NTRK2: variants seen among roughly 807,000 people sequenced by gnomAD.
NTRK2 encodes the protein BDNF/NT-3 growth factors receptor.
NTRK2 carries 13 observed loss-of-function variants against 94.5 expected under a neutral mutation model. The observed-to-expected ratio is 0.14, with a 90% CI of 0.09 to 0.22. The LOEUF (loss-of-function observed/expected upper bound fraction) is 0.22. Among genes scored for constraint, NTRK2 ranks in the 10% least tolerant of loss-of-function variants. NTRK2 has a pLI of 1.00. For synonymous variants in NTRK2, 372 were observed against 407.4 expected, an observed-to-expected ratio of 0.91 and a Z score of 1.05; for missense variants, 639 against 1,071.2, an observed-to-expected ratio of 0.60 and a Z score of 5.63.
rs998194951 is a variant in NTRK2 at position 85,025,661 on chromosome 9, C to G, written c.*4224C>G. On this transcript the variant is annotated 3_prime_UTR_variant, in exon 19 of 19. Transcript: ENST00000277120. ...AAATGACTGCATATACACACATACC[C>G]TCAATTCTCTTGCTTCCCCATTTTC... 22 of 233,118 alleles carry G rather than the reference C, an allele frequency of 9.4e-5. No homozygotes were observed. The highest frequency in any genetic ancestry group is 1.5e-4 in the Non-Finnish European group (18 of 118,014). 14.4% of individuals were successfully genotyped at this position (233,118 alleles called of 1,614,324 possible). A position where few individuals can be genotyped will look rare whatever the true frequency, so the allele number is the denominator to read the frequency against.
At chr9:84,819,263 C>T (rs1028296119) in intron 12 of NTRK2, among the ~76,000 whole-genome samples, 1 of 152,068 alleles carries the variant, frequency 6.6e-6, no homozygotes, top group African/African-American at 2.4e-5. Flanking sequence ...AAACATAGGC[C>T]ACGGCTGTTT....
At chr9:84,824,202 G>A (rs966216521) in intron 12 of NTRK2, among the ~76,000 whole-genome samples, 1 of 152,184 alleles carries the variant, frequency 6.6e-6, no homozygotes, top group African/African-American at 2.4e-5. Flanking sequence ...TCAAGGGAAG[G>A]CCTCCAGAAA....
At chr9:84,917,068 G>A (rs988322576) in intron 14 of NTRK2, among the ~76,000 whole-genome samples, 1 of 152,016 alleles carries the variant, frequency 6.6e-6, no homozygotes, top group Non-Finnish European at 1.5e-5. Context: ...TCCTCTCAAT[G>A]TATGTTTCTT....
At chr9:84,815,220 G>A (rs201891226) in intron 12 of NTRK2, 17 of 1,056,662 alleles carry the variant, frequency 1.6e-5, no homozygotes, top group East Asian at 5.2e-5. Flanking sequence ...TAGTGTTGCA[G>A]TATAGCTTTG....
chr9:84,936,165 G>C (rs2078207378), intron 15 of NTRK2, among the ~76,000 whole-genome samples: 1 of 152,160 alleles, frequency 6.6e-6, no homozygotes, highest in Non-Finnish European at 1.5e-5. Context: ...AGAAACCTCA[G>C]GCAGATATAG....
intron 12 of NTRK2, among the ~76,000 whole-genome samples, chr9:84,764,275 A>G (rs2132696939): frequency 6.6e-6 from 1 of 152,340 alleles, no homozygotes; most frequent in South Asian, 2.1e-4. Flanking sequence ...CATCTAGCAA[A>G]TATCCTCTCC....
chr9:84,813,113 G>A (rs1177333030), intron 12 of NTRK2: 2 of 1,040,530 alleles, frequency 1.9e-6, no homozygotes, highest in Admixed American at 5.6e-5. Flanking sequence ...ATTAGAAAAG[G>A]AGAGGTAGCA....
At chr9:84,729,892 A>G (rs1363527137) in intron 9 of NTRK2, among the ~76,000 whole-genome samples, 1 of 152,112 alleles carries the variant, frequency 6.6e-6, no homozygotes, top group African/African-American at 2.4e-5. Context: ...GAACATTTCT[A>G]TATGGTACTG....
At chr9:84,958,257 A>G (rs550066277) in intron 17 of NTRK2, among the ~76,000 whole-genome samples, 3 of 152,336 alleles carry the variant, frequency 2.0e-5, no homozygotes, top group African/African-American at 7.2e-5. Flanking sequence ...TACCTGAATT[A>G]TATCTCAAAA....
chr9:84,883,885 A>T (rs893392137), intron 14 of NTRK2, among the ~76,000 whole-genome samples: 1 of 152,256 alleles, frequency 6.6e-6, no homozygotes, highest in Admixed American at 6.5e-5. Context: ...TCACTAACCT[A>T]GTTGACTTTT....
chr9:84,810,933 A>G, intron 12 of NTRK2: 2 of 1,162,782 alleles, frequency 1.7e-6, no homozygotes, highest in Non-Finnish European at 1.1e-6. Flanking sequence ...ACCCTACTGG[A>G]CATTTATTGA....
At chr9:85,016,829 G>T (rs1182915596) in intron 17 of NTRK2, among the ~76,000 whole-genome samples, 1 of 152,094 alleles carries the variant, frequency 6.6e-6, no homozygotes, top group East Asian at 1.9e-4. Flanking sequence ...AACAAGGAAA[G>T]CATTATTTAT....
intron 17 of NTRK2, among the ~76,000 whole-genome samples, chr9:84,996,283 A>G (rs913866680): frequency 1.3e-5 from 2 of 152,258 alleles, no homozygotes; most frequent in African/African-American, 4.8e-5. Flanking sequence ...AGACGTTGCT[A>G]TGATAAGACT....
At chr9:84,977,190 A>G (rs1441084017) in intron 17 of NTRK2, among the ~76,000 whole-genome samples, 2 of 152,206 alleles carry the variant, frequency 1.3e-5, no homozygotes, top group South Asian at 4.1e-4. Context: ...CTTATTTAGT[A>G]TGTATTGTTG....
intron 17 of NTRK2, among the ~76,000 whole-genome samples, chr9:84,962,404 A>G (rs905008005): frequency 2.6e-5 from 4 of 152,214 alleles, no homozygotes; most frequent in African/African-American, 9.6e-5. Context: ...ACCAGCATGG[A>G]GACACGTTAT....
chr9:84,889,329 G>A (rs2076528310), intron 14 of NTRK2, among the ~76,000 whole-genome samples: 1 of 152,052 alleles, frequency 6.6e-6, no homozygotes, highest in Admixed American at 6.5e-5. Context: ...CTTTAAAAAC[G>A]CTTTTAAAAA....
intron 17 of NTRK2, among the ~76,000 whole-genome samples, chr9:84,981,704 G>T (rs1827649154): frequency 6.6e-6 from 1 of 152,134 alleles, no homozygotes; most frequent in African/African-American, 2.4e-5. Context: ...TTAAAAAATA[G>T]CATTTTACTT....
chr9:84,685,311 A>G (rs1004770067), intron 2 of NTRK2, among the ~76,000 whole-genome samples: 1 of 151,624 alleles, frequency 6.6e-6, no homozygotes, highest in Non-Finnish European at 1.5e-5. Flanking sequence ...CTATTCCATT[A>G]ATCAGTCTGT....
chr9:84,766,644 CCTCAACACACATACACACA>C (rs1348073300), intron 12 of NTRK2, among the ~76,000 whole-genome samples: 1 of 151,626 alleles, frequency 6.6e-6, no homozygotes, highest in Non-Finnish European at 1.5e-5. Context: ...AGAATCCACC[CCTCAACACACATACACACA>C]CTCAACACAC....
Sources: allele counts gnomAD v4.1 joint callset (sites outside exome capture counted in the v4.1 genomes callset), GRCh38; gene constraint gnomAD v4.1.1; transcripts MANE v1.5; gene names NCBI Gene and HGNC (gene_info 2026-07-23, HGNC 2026-07-21).